Variants in ANXA11 observed in about 807,000 individuals in gnomAD.
ANXA11 encodes the protein annexin A11.
A neutral mutation model predicts 64.7 loss-of-function variants in ANXA11; 57 were observed. That is an observed-to-expected ratio of 0.88 (90% CI 0.71 to 1.10). ANXA11 has a LOEUF of 1.10. Ranked by LOEUF, ANXA11 falls within the 50% of genes least tolerant of loss-of-function variation. ANXA11 has a pLI of 0.00. For missense variants in ANXA11, 675 were observed against 670.7 expected (o/e 1.01, Z -0.07); for synonymous variants, 260 against 265.2 (o/e 0.98, Z 0.19).
intron 8 of ANXA11, among the ~76,000 whole-genome samples, 192 bp downstream of exon 8, chr10:80,165,892 C>T (rs1845699399): frequency 6.6e-6 from 1 of 152,140 alleles, no homozygotes; most frequent in South Asian, 2.1e-4. Flanking sequence ...CAGGGAGTTC[C>T]CTTTTCTATA....
chr10:80,157,701 G>T lies in ANXA11; in HGVS notation c.1398C>A (p.Leu466=). 1 of 1,613,992 alleles carries T rather than the reference G, an allele frequency of 6.2e-7. No individual in the cohort carries two copies. The highest frequency in any genetic ancestry group is 8.5e-7 in the Non-Finnish European group (1 of 1,179,986). Residue 466 remains leucine, a synonymous_variant, in exon 15 of 16, where the codon CTC becomes CTA. Coordinates refer to ENST00000422982, the MANE Select transcript of ANXA11 (RefSeq NM_145868.2). ...GCTTATACTCTGATCTGATGTCCAG[G>T]AGGTCGGTCTCGCTGCGAGACACCA... ...RIMVSRSETD[L]LDIRSEYKRM...
rs911718091 is a variant in ANXA11, at chr10:80,151,840, G to C, written c.*4013C>G. On this transcript the variant is annotated 3_prime_UTR_variant, in exon 16 of 16. Transcript: ENST00000422982. ...AAGCGTTAGATTACAGCAGGTTACA[G>C]ATGCAGTTTCCCAGTCCCCACACCT... 6.6e-6 allele frequency: 1 copy of C among 152,230 alleles called. No homozygotes were observed. The highest frequency in any genetic ancestry group is 1.5e-5 in the Non-Finnish European group (1 of 68,044). The allele number at this position is 152,230 out of a possible 1,614,324, so 9.4% of individuals were successfully genotyped here. A position where few individuals can be genotyped will look rare whatever the true frequency, so the allele number is the denominator to read the frequency against.
At chr10:80,164,428 C>T (rs1338212918) in intron 8 of ANXA11, among the ~76,000 whole-genome samples, 1 of 152,158 alleles carries the variant, frequency 6.6e-6, no homozygotes, top group Non-Finnish European at 1.5e-5. Context: ...TGGTCCGAGG[C>T]CACACAGTAA....
chr10:80,188,175 C>A (rs1846618508), intron 1 of ANXA11, among the ~76,000 whole-genome samples: 1 of 151,960 alleles, frequency 6.6e-6, no homozygotes. Context: ...CTTTTCACGG[C>A]CCACACTCCC....
At chr10:80,158,465 G>C (rs770233967) in intron 13 of ANXA11, among the ~76,000 whole-genome samples, 1 of 152,126 alleles carries the variant, frequency 6.6e-6, no homozygotes, top group African/African-American at 2.4e-5. Context: ...CCTACTATGG[G>C]GGACAGGCAG....
chr10:80,188,920 C>A (rs2132475012), intron 1 of ANXA11, among the ~76,000 whole-genome samples: 1 of 152,244 alleles, frequency 6.6e-6, no homozygotes, highest in South Asian at 2.1e-4. Flanking sequence ...AGTGTCCAGC[C>A]AACCCTTAGG....
intron 1 of ANXA11, chr10:80,195,738 C>T (rs377235442): frequency 2.7e-4 from 44 of 163,808 alleles, no homozygotes; most frequent in African/African-American, 1.0e-3. Context: ...CACAGTTCCA[C>T]GTGGCTGGGG....
intron 1 of ANXA11, among the ~76,000 whole-genome samples, chr10:80,190,570 C>T (rs3122586): frequency 0.48 from 72,111 of 148,852 alleles, 18,311 homozygotes; most frequent in African/African-American, 0.63. Flanking sequence ...ACTGCAAGCT[C>T]CACCTCCTGA....
At chr10:80,194,447 G>C (rs1279913496) in intron 1 of ANXA11, among the ~76,000 whole-genome samples, 2 of 152,074 alleles carry the variant, frequency 1.3e-5, no homozygotes, top group Non-Finnish European at 2.9e-5. Flanking sequence ...TTTCCCTCTA[G>C]CTAGCGAGAT....
chr10:80,156,210 T>C (rs2784772), intron 15 of ANXA11, among the ~76,000 whole-genome samples: 142,482 of 152,288 alleles, frequency 0.94, 66,663 homozygotes, highest in East Asian at 1. Context: ...TAACCAATAT[T>C]GCTGTTTTCC....
At chr10:80,171,039 G>T in intron 3 of ANXA11, 124 bp from the exon 4 acceptor site, 4 of 1,525,358 alleles carry the variant, frequency 2.6e-6, no homozygotes, top group Non-Finnish European at 3.5e-6. Flanking sequence ...TCGAGCCTCG[G>T]GACACCACAG....
chr10:80,167,318 T>C lies in ANXA11; in HGVS notation c.562-5A>G. ...GATGGTGCCTCGGCTTCCAAACTAC[T>C]CGGACAAACAGTCTCAGGTAAGATG... On this transcript the variant is annotated splice_polypyrimidine_tract_variant and splice_region_variant and intron_variant, in intron 5 of 15. Transcript: ENST00000422982. 1 of 1,613,906 alleles carries C rather than the reference T, an allele frequency of 6.2e-7. No individual in the cohort carries two copies. The highest frequency in any genetic ancestry group is 8.5e-7 in the Non-Finnish European group (1 of 1,179,838).
In ANXA11 at chr10:80,152,908, G is replaced by A. The variant is rs1845181785; in HGVS notation, c.*2945C>T. On this transcript the variant is annotated 3_prime_UTR_variant, in exon 16 of 16. Transcript: ENST00000422982. ...TGGGTGCTAGTGCACACCACGTGGA[G>A]CCATGCCCATCCGAGCCCAAGAACA... 1 of 152,256 alleles carries A rather than the reference G, an allele frequency of 6.6e-6. No individual in the cohort carries two copies. Among genetic ancestry groups the A allele is most frequent in the African/African-American group, 2.4e-5 (1 of 41,472 alleles). 9.4% of individuals were successfully genotyped at this position (152,256 alleles called of 1,614,324 possible). A position where few individuals can be genotyped will look rare whatever the true frequency, so the allele number is the denominator to read the frequency against.
chr10:80,173,306 C>T (rs535833469), intron 2 of ANXA11, among the ~76,000 whole-genome samples: 47 of 152,346 alleles, frequency 3.1e-4, no homozygotes, highest in African/African-American at 1.1e-3. Flanking sequence ...GCCATCCCTC[C>T]AGCAACAGGG....
chr10:80,163,215 G>T (rs35180576), intron 11 of ANXA11, 134 bp downstream of exon 11: 49 of 958,460 alleles, frequency 5.1e-5, no homozygotes, highest in Middle Eastern at 6.3e-4. Context: ...AGTTCAGCGC[G>T]TCTGAAACTC....
At chr10:80,181,473 A>G (rs942067020) in intron 1 of ANXA11, 2 of 152,120 alleles carry the variant, frequency 1.3e-5, no homozygotes, top group African/African-American at 4.8e-5. Flanking sequence ...AAAAAAATAA[A>G]AAATAAATAA....
chr10:80,188,510 T>TATAG (rs1846636192), intron 1 of ANXA11, among the ~76,000 whole-genome samples: 1 of 140,582 alleles, frequency 7.1e-6, no homozygotes, highest in East Asian at 2.1e-4. Context: ...TATATATATA[T>TATAG]AGCACTACAA....
chr10:80,170,582 C>T (rs746784804), intron 4 of ANXA11, among the ~76,000 whole-genome samples: 1 of 152,202 alleles, frequency 6.6e-6, no homozygotes, highest in Non-Finnish European at 1.5e-5. Flanking sequence ...GGTCCCCTTC[C>T]CCTCATTTTA....
rs566845494 is a variant in ANXA11 at position 80,170,833 on chromosome 10, C to T, written c.138G>A (p.Ala46=). Residue 46 remains alanine (A), a synonymous_variant, in exon 4 of 16, where the codon GCG becomes GCA. Coordinates refer to ENST00000422982, the MANE Select transcript of ANXA11 (RefSeq NM_145868.2). ...AGAGATAGTCCTGGTTGAACTGCCCCGCATAGGTGGCCACGTTATCCAGCC... is the reference window on the plus strand; with the variant it reads ...AGAGATAGTCCTGGTTGAACTGCCCTGCATAGGTGGCCACGTTATCCAGCC... ...PIGLDNVATY[A]GQFNQDYLSG... 1.7e-5 allele frequency: 26 copies of T among 1,510,950 alleles called. No homozygotes were observed. Among genetic ancestry groups the T allele is most frequent in the East Asian group, 2.4e-5 (1 of 41,882 alleles). The allele number at this position is 1,510,950 out of a possible 1,614,324, so 93.6% of individuals were successfully genotyped here.
Sources: allele counts gnomAD v4.1 joint callset (sites outside exome capture counted in the v4.1 genomes callset), GRCh38; gene constraint gnomAD v4.1.1; transcripts MANE v1.5; gene names NCBI Gene and HGNC (gene_info 2026-07-23, HGNC 2026-07-21).